PCDH11X: variants seen among roughly 807,000 people sequenced by gnomAD.
The protein encoded by PCDH11X is protocadherin 11 X-linked, also known as protocadherin-11 X-linked.
PCDH11X carries 18 observed loss-of-function variants against 53.3 expected under a neutral mutation model. The ratio of observed to expected loss-of-function variants is 0.34; its 90% confidence interval spans 0.23 to 0.50. PCDH11X has a LOEUF of 0.50. Among genes scored for constraint, PCDH11X ranks in the 20% least tolerant of loss-of-function variants. The pLI, the probability that PCDH11X is intolerant of heterozygous loss-of-function variation, is 0.98. For missense variants in PCDH11X, 570 were observed against 1,032.4 expected, an observed-to-expected ratio of 0.55 and a Z score of 6.14; for synonymous variants, 279 against 393.3, an observed-to-expected ratio of 0.71 and a Z score of 3.44.
At chrX:91,954,778 A>G (rs1212639010) in intron 6 of PCDH11X, among the ~76,000 whole-genome samples, 2 of 110,645 alleles carry the variant, frequency 1.8e-5, no homozygotes, top group African/African-American at 6.6e-5. Flanking sequence ...GTGTCTGTTA[A>G]CGTCCTTTGC....
At chrX:92,594,364 T>C (rs1364915013) in intron 10 of PCDH11X, among the ~76,000 whole-genome samples, 1 of 111,523 alleles carries the variant, frequency 9.0e-6, no homozygotes, top group Non-Finnish European at 1.9e-5. Flanking sequence ...TTATTTGGTA[T>C]ATCAAAATCA....
intron 6 of PCDH11X, among the ~76,000 whole-genome samples, chrX:92,127,559 C>T (rs752381723): frequency 2.0e-5 from 2 of 101,723 alleles, no homozygotes; most frequent in Non-Finnish European, 4.0e-5. Context: ...CTCGCCCTGC[C>T]GCCCTGGCTG....
intron 6 of PCDH11X, among the ~76,000 whole-genome samples, chrX:92,054,112 C>T (rs898211648): frequency 6.6e-4 from 74 of 111,793 alleles, no homozygotes; most frequent in Non-Finnish European, 1.2e-3. Context: ...AACATTTCAA[C>T]ACCCAACATT....
At chrX:92,129,356 A>G (rs2064929919) in intron 6 of PCDH11X, among the ~76,000 whole-genome samples, 1 of 111,558 alleles carries the variant, frequency 9.0e-6, no homozygotes, top group South Asian at 3.7e-4. Context: ...GTGCCATTGC[A>G]CTACAGCCTG....
intron 5 of PCDH11X, among the ~76,000 whole-genome samples, chrX:91,874,061 T>G (rs764725603): frequency 9.0e-6 from 1 of 111,047 alleles, no homozygotes; most frequent in African/African-American, 3.3e-5. Context: ...TATTAGCCAC[T>G]CAGTATTGGA....
intron 10 of PCDH11X, among the ~76,000 whole-genome samples, chrX:92,600,529 C>T (rs1172517062): frequency 9.0e-6 from 1 of 111,212 alleles, no homozygotes; most frequent in Admixed American, 9.5e-5. Flanking sequence ...CTGGGAATCT[C>T]CACCTAAATT....
chrX:91,966,344 G>T (rs1569280962), intron 6 of PCDH11X, among the ~76,000 whole-genome samples: 1 of 110,833 alleles, frequency 9.0e-6, no homozygotes, highest in Non-Finnish European at 1.9e-5. Flanking sequence ...TGCTTTTGGA[G>T]GCAAAATTAA....
chrX:92,308,438 G>T, intron 8 of PCDH11X, among the ~76,000 whole-genome samples: 1 of 111,334 alleles, frequency 9.0e-6, no homozygotes. Context: ...TAGAAATCTG[G>T]ATATGCACAT....
intron 6 of PCDH11X, among the ~76,000 whole-genome samples, chrX:91,951,860 T>G (rs1602551354): frequency 2.7e-5 from 3 of 111,842 alleles, no homozygotes; most frequent in Middle Eastern, 9.3e-3. Flanking sequence ...GTAGGAAAGC[T>G]TCCAGTTGCT....
chrX:92,482,642 G>A (rs949755771), intron 10 of PCDH11X, among the ~76,000 whole-genome samples: 7 of 111,064 alleles, frequency 6.3e-5, no homozygotes, highest in African/African-American at 2.3e-4. Flanking sequence ...AAGATGATAA[G>A]CCAGGTACCA....
chrX:92,522,035 C>CT (rs1390256832), intron 10 of PCDH11X, among the ~76,000 whole-genome samples: 1 of 112,084 alleles, frequency 8.9e-6, no homozygotes, highest in East Asian at 2.8e-4. Context: ...AGCTGTTTTG[C>CT]TTTTTTGTAA....
chrX:92,474,143 C>T (rs1603339255), intron 10 of PCDH11X, among the ~76,000 whole-genome samples: 1 of 111,015 alleles, frequency 9.0e-6, no homozygotes, highest in African/African-American at 3.3e-5. Context: ...TAGTATTGAG[C>T]ACATATATAT....
At chrX:92,082,156 C>T (rs779330704) in intron 6 of PCDH11X, among the ~76,000 whole-genome samples, 1 of 110,525 alleles carries the variant, frequency 9.0e-6, no homozygotes, top group Admixed American at 9.7e-5. Context: ...CTCTTATGCA[C>T]TTAAGGAGTT....
intron 10 of PCDH11X, among the ~76,000 whole-genome samples, chrX:92,477,796 T>G (rs763996768): frequency 9.5e-6 from 1 of 104,839 alleles, no homozygotes; most frequent in African/African-American, 3.5e-5. Context: ...CTGTGATCAT[T>G]ATTTGTATTT....
chrX:91,897,933 T>C (rs1442682243), intron 6 of PCDH11X, among the ~76,000 whole-genome samples: 1 of 112,141 alleles, frequency 8.9e-6, no homozygotes, highest in African/African-American at 3.2e-5. Flanking sequence ...CTAGGCACAC[T>C]GAAAAGCAAG....
intron 9 of PCDH11X, among the ~76,000 whole-genome samples, chrX:92,419,336 C>T (rs1447472565): frequency 2.0e-5 from 2 of 99,219 alleles, no homozygotes; most frequent in African/African-American, 7.4e-5. Flanking sequence ...CCCCAGCTGG[C>T]TCAAACTCCA....
chrX:92,288,010 T>C (rs1391011961), intron 8 of PCDH11X: 1 of 513,138 alleles, frequency 1.9e-6, no homozygotes, highest in East Asian at 3.6e-5. Flanking sequence ...ACCGTAAGTT[T>C]CCTGAGGCTT....
intron 6 of PCDH11X, among the ~76,000 whole-genome samples, chrX:92,173,386 G>A (rs763387986): frequency 1.5e-4 from 17 of 111,588 alleles, no homozygotes; most frequent in Non-Finnish European, 2.3e-4. Flanking sequence ...AATTCATTTT[G>A]TTGTTGTTTG....
intron 6 of PCDH11X, among the ~76,000 whole-genome samples, chrX:91,986,711 G>T (rs2062233652): frequency 9.5e-6 from 1 of 105,114 alleles, no homozygotes; most frequent in Non-Finnish European, 2.0e-5. Context: ...GACTAGATCT[G>T]GGAAATGTTG....
Sources: allele counts gnomAD v4.1 joint callset (sites outside exome capture counted in the v4.1 genomes callset), GRCh38; gene constraint gnomAD v4.1.1; transcripts MANE v1.5; gene names NCBI Gene and HGNC (gene_info 2026-07-23, HGNC 2026-07-21).